The following TAAR8 variants were observed in gnomAD, a reference collection of about 807,000 sequenced individuals.
The protein encoded by TAAR8 is trace amine associated receptor 8, also known as trace amine-associated receptor 8.
For synonymous variants in TAAR8, 157 were observed against 152.7 expected (o/e 1.03, Z -0.21); for missense variants, 459 against 405.8 (o/e 1.13, Z -1.13).
At chr6:132,552,913 C>A (rs1776401496) in exon 1 of TAAR8, 1 of 1,614,184 alleles carries the variant, frequency 6.2e-7, no homozygotes, top group Non-Finnish European at 8.5e-7. Context: ...GCCTCTCTGG[C>A]CTGTGCTGAC....
chr6:132,552,900 A>G lies in TAAR8; in HGVS notation c.208A>G (p.Ile70Val), dbSNP rs1466137057. 6 of 1,613,886 alleles carry G rather than the reference A, an allele frequency of 3.7e-6. No homozygotes were observed. In the African/African-American group the frequency reaches 5.3e-5, roughly 14 times the overall value. The change falls in exon 1 of 1, where the codon ATT becomes GTT. Residue 70 changes from isoleucine (I) to valine (V), a missense_variant. Ile to Val is a conservative substitution (Grantham distance 29). Transcript: ENST00000275200. ...GCTGCACTCTCCAACCAATTTTCTC[A>G]TTGCCTCTCTGGCCTGTGCTGACTT... is the stretch of plus-strand genomic sequence containing the variant.
At chr6:132,553,431 A>G in exon 1 of TAAR8, 1 of 1,614,202 alleles carries the variant, frequency 6.2e-7, no homozygotes. Context: ...TTATAAAATC[A>G]GAGTGGCCAA....
At chr6:132,553,211 T>A (rs758448277) in exon 1 of TAAR8, 18 of 1,614,216 alleles carry the variant, frequency 1.1e-5, no homozygotes, top group Non-Finnish European at 1.4e-5. Flanking sequence ...GTGTCAATGA[T>A]GATGGGCTGG....
exon 1 of TAAR8, chr6:132,553,284 G>T (rs551481130): frequency 2.5e-6 from 4 of 1,614,024 alleles, no homozygotes; most frequent in African/African-American, 2.7e-5. Flanking sequence ...TCAAGGCTGG[G>T]TGTTGATAGA....
exon 1 of TAAR8, chr6:132,553,496 T>C (rs1240727645): frequency 5.0e-6 from 8 of 1,614,062 alleles, no homozygotes; most frequent in Middle Eastern, 3.3e-4. Context: ...CATTTGTTAT[T>C]TCATGGTTAC....
At chr6:132,552,856 C>A in exon 1 of TAAR8, 1 of 1,614,208 alleles carries the variant, frequency 6.2e-7, no homozygotes. Context: ...GTAATGACTT[C>A]TGTTCTTCAT....
At chr6:132,553,065 A>T in exon 1 of TAAR8, 1 of 1,614,190 alleles carries the variant, frequency 6.2e-7, no homozygotes, top group Non-Finnish European at 8.5e-7. Context: ...CTTGTGCTTC[A>T]TCTGCATCGA....
At chr6:132,552,899 C>T (rs147240285) in exon 1 of TAAR8, 5 of 1,614,240 alleles carry the variant, frequency 3.1e-6, no homozygotes, top group Non-Finnish European at 3.4e-6. Flanking sequence ...CCAATTTTCT[C>T]ATTGCCTCTC....
chr6:132,553,382 T>C (rs770118880), exon 1 of TAAR8: 1 of 1,614,120 alleles, frequency 6.2e-7, no homozygotes, highest in Non-Finnish European at 8.5e-7. Flanking sequence ...CTATAAAAAT[T>C]GAAACTACTA....
In TAAR8 at chr6:132,553,593, T is replaced by C. The variant is rs780934495; in HGVS notation, c.901T>C (p.Tyr301His). 9.9e-6 allele frequency: 16 copies of C among 1,613,998 alleles called. 1 individual carries two copies. Among genetic ancestry groups the C allele is most frequent in the Non-Finnish European group, 1.4e-5 (16 of 1,180,002 alleles). Residue 301 changes from tyrosine (Y) to histidine (H), a missense_variant, in exon 1 of 1, where the codon TAT becomes CAT. Transcript: ENST00000275200. ...TGAAATTTGCTGTTGGAGTGCTTAT[T>C]ATAACTCAGCCATGAATCCTTTGAT...
At chr6:132,553,707 T>G in exon 1 of TAAR8, 8 of 1,545,216 alleles carry the variant, frequency 5.2e-6, no homozygotes, top group Non-Finnish European at 6.1e-6. Flanking sequence ...AACCATTAGT[T>G]TATTTTTAGA....
chr6:132,553,255 GC>G lies in TAAR8; in HGVS notation c.564del (p.Cys189ValfsTer5). The G allele has an allele frequency of 3.7e-6, 6 of 1,614,158 alleles. No individual in the cohort carries two copies. The highest frequency in any genetic ancestry group is 5.1e-6 in the Non-Finnish European group (6 of 1,180,026). On this transcript the variant is annotated frameshift_variant, in exon 1 of 1. Coordinates refer to ENST00000275200, the Ensembl canonical transcript of TAAR8. LOFTEE classifies it low-confidence loss of function (END_TRUNC). ...GTAAGTGCTCTCAACTGCGTAGGTG[GC>G]TGTCAAATTATTGTAAGTCAAGGCT...
chr6:132,552,771 T>C, exon 1 of TAAR8: 1 of 1,614,200 alleles, frequency 6.2e-7, no homozygotes, highest in South Asian at 1.1e-5. Flanking sequence ...AACTCCCTAT[T>C]CTCCTGGGTC....
chr6:132,553,375 T>C, exon 1 of TAAR8: 1 of 1,614,112 alleles, frequency 6.2e-7, no homozygotes, highest in Non-Finnish European at 8.5e-7. Context: ...CAACAAGCTA[T>C]AAAAATTGAA....
exon 1 of TAAR8, chr6:132,553,123 C>T: frequency 6.2e-7 from 1 of 1,614,176 alleles, no homozygotes; most frequent in Non-Finnish European, 8.5e-7. Context: ...ACCAAGTTCA[C>T]CGTGTCTGTG....
At position 132,553,003 on chromosome 6, in the gene TAAR8, G is replaced by A. The variant is rs201563249; in HGVS notation, c.311G>A (p.Cys104Tyr). ...TGCTGGTATTTTGGAGCCAAATTTTGTACTCTTCACAGTTGCTGTGATGTG... is the reference window on the plus strand; with the variant it reads ...TGCTGGTATTTTGGAGCCAAATTTTATACTCTTCACAGTTGCTGTGATGTG... Residue 104 changes from cysteine to tyrosine, a missense_variant, in exon 1 of 1, where the codon TGT (cysteine) becomes TAT (tyrosine). Transcript: ENST00000275200. 41 of 1,614,074 alleles carry A rather than the reference G, an allele frequency of 2.5e-5. No individual in the cohort carries two copies. In the Middle Eastern group the frequency reaches 4.9e-4, roughly 19 times the overall value.
chr6:132,553,414 C>T (rs899034108), exon 1 of TAAR8: 1 of 1,614,128 alleles, frequency 6.2e-7, no homozygotes, highest in Non-Finnish European at 8.5e-7. Flanking sequence ...GAATCATCCT[C>T]AGAGAGTTAT....
chr6:132,553,296 T>G, exon 1 of TAAR8: 1 of 1,614,198 alleles, frequency 6.2e-7, no homozygotes, highest in Non-Finnish European at 8.5e-7. Context: ...GTTGATAGAT[T>G]TTCTGTTATT....
At chr6:132,553,007 T>C in exon 1 of TAAR8, 1 of 1,614,220 alleles carries the variant, frequency 6.2e-7, no homozygotes, top group South Asian at 1.1e-5. Flanking sequence ...AATTTTGTAC[T>C]CTTCACAGTT....
Sources: gnomAD v4.1 joint callset for allele counts on GRCh38, gnomAD v4.1.1 for gene constraint, MANE v1.5 for transcripts, NCBI Gene and HGNC (gene_info 2026-07-23, HGNC 2026-07-21) for gene names.